KCNQ1: variants seen among roughly 807,000 people sequenced by gnomAD.
The protein encoded by KCNQ1 is potassium voltage-gated channel subfamily Q member 1.
KCNQ1 carries 49 observed loss-of-function variants against 72.4 expected under a neutral mutation model. The observed-to-expected ratio is 0.68, with a 90% CI of 0.54 to 0.86. The LOEUF (loss-of-function observed/expected upper bound fraction) is 0.86. KCNQ1 is among the 40% of genes least tolerant of loss of function. The probability of loss-of-function intolerance (pLI) is 0.00; values close to 1 mark genes in which losing one functional copy is unlikely to be tolerated. For synonymous variants in KCNQ1, 450 were observed against 412.6 expected (o/e 1.09, Z -1.10); for missense variants, 790 against 945.1 (o/e 0.84, Z 2.15).
At chr11:2,459,186 T>C (rs1846238778) in intron 1 of KCNQ1, among the ~76,000 whole-genome samples, 2 of 152,194 alleles carry the variant, frequency 1.3e-5, no homozygotes, top group Non-Finnish European at 2.9e-5. Flanking sequence ...ACGGACTTCC[T>C]TGGGACGCGG....
chr11:2,452,157 C>A (rs1203780592), intron 1 of KCNQ1, among the ~76,000 whole-genome samples: 2 of 152,138 alleles, frequency 1.3e-5, no homozygotes, highest in African/African-American at 4.8e-5. Context: ...AAGGTGCACA[C>A]CTTTCTCTGC....
chr11:2,628,430 GTCT>G, intron 10 of KCNQ1: 1 of 398,384 alleles, frequency 2.5e-6, no homozygotes, highest in East Asian at 3.6e-5. Flanking sequence ...CCATCTGTAT[GTCT>G]TCTTTGAATA....
Position 2,452,030 on chromosome 11 carries a change from C to T in KCNQ1, c.386+6546C>T, listed in dbSNP as rs117058724. 1.1e-3 allele frequency among the ~76,000 whole-genome samples: 168 copies of T among 152,330 alleles called. 3 individuals carry two copies. The East Asian group carries it at 0.03, about 27-fold the overall frequency. ...GAGGACTGTCCCCTTTGAGAGTTGG[C>T]TCTCAAAGCCTTGGTCTGTGCCTGC... On this transcript the variant is annotated intron_variant, in intron 1 of 15. Coordinates refer to ENST00000155840, the MANE Select transcript of KCNQ1 (RefSeq NM_000218.3).
intron 8 of KCNQ1, 29 bp downstream of exon 8, chr11:2,585,336 G>T (rs371140683): frequency 3.8e-6 from 6 of 1,586,042 alleles, no homozygotes; most frequent in Non-Finnish European, 5.2e-6. Context: ...CCTGGTCACT[G>T]TCATTTTGGT....
In KCNQ1 at chr11:2,846,747, G is replaced by A. The variant is rs372628675; in HGVS notation, c.1795-1020G>A. 1.6e-4 allele frequency among the ~76,000 whole-genome samples: 25 copies of A among 152,376 alleles called. No homozygotes were observed. In the East Asian group the frequency reaches 2.1e-3, roughly 13 times the overall value. On this transcript the variant is annotated intron_variant, in intron 15 of 15. Coordinates refer to ENST00000155840, the MANE Select transcript of KCNQ1 (RefSeq NM_000218.3). Reference sequence around the variant, plus strand: ...GCGGGCTCCAGCCTCATTCCCCAGCGGTGCTGTCCTTCCAAGGAGCTCTCA... The same window carrying A: ...GCGGGCTCCAGCCTCATTCCCCAGCAGTGCTGTCCTTCCAAGGAGCTCTCA...
At chr11:2,470,492 C>G (rs531860181) in intron 1 of KCNQ1, among the ~76,000 whole-genome samples, 1 of 152,080 alleles carries the variant, frequency 6.6e-6, no homozygotes, top group African/African-American at 2.4e-5. Flanking sequence ...TATCTCGTCT[C>G]GCCTTTGTTC....
rs964995049 is a variant in KCNQ1, at chr11:2,461,793, G to A, written c.386+16309G>A. 14 of 1,226,720 alleles carry A rather than the reference G, an allele frequency of 1.1e-5. No homozygotes were observed. The African/African-American group carries it at 1.9e-4, about 16-fold the overall frequency. 76.0% of individuals were successfully genotyped at this position (1,226,720 alleles called of 1,614,324 possible). ...GGGGGGCTGAATTGTGGTCAGTTATGGGTGGCGGGTAGATGGGTGGACAGC... is the reference window on the plus strand; with the variant it reads ...GGGGGGCTGAATTGTGGTCAGTTATAGGTGGCGGGTAGATGGGTGGACAGC... On this transcript the variant is annotated intron_variant, in intron 1 of 15. Coordinates refer to ENST00000155840, the MANE Select transcript of KCNQ1 (RefSeq NM_000218.3).
chr11:2,761,758 T>C (rs1186336891), intron 11 of KCNQ1, among the ~76,000 whole-genome samples: 1 of 152,200 alleles, frequency 6.6e-6, no homozygotes, highest in Admixed American at 6.5e-5. Context: ...ACCAGAGCAG[T>C]GGCTGACCCA....
In KCNQ1 at chr11:2,627,658, T is replaced by TTG. The variant is rs765964478; in HGVS notation, c.1394-34293_1394-34292dup. The TTG allele has an allele frequency of 7.5e-6, 3 of 398,370 alleles. No homozygotes were observed. Among genetic ancestry groups the TTG allele is most frequent in the East Asian group, 3.6e-5 (1 of 28,084 alleles). The allele number at this position is 398,370 out of a possible 1,614,324, so 24.7% of individuals were successfully genotyped here. A position where few individuals can be genotyped will look rare whatever the true frequency, so the allele number is the denominator to read the frequency against. ...TGCTTTTTAAAGGATGAATATTTCA[T>TTG]TGTGTGTGTGTATATATGTGTGTGT... On this transcript the variant is annotated intron_variant, in intron 10 of 15. Coordinates refer to ENST00000155840, the MANE Select transcript of KCNQ1 (RefSeq NM_000218.3). The surrounding 1 kb of genome is among the most constrained non-coding windows in gnomAD (Gnocchi z 4.9).
chr11:2,652,560 T>C lies in KCNQ1; in HGVS notation c.1394-9401T>C, dbSNP rs535384234. The C allele has an allele frequency of 2.3e-5, 9 of 398,594 alleles. No individual in the cohort carries two copies. The South Asian group carries it at 6.4e-4, about 28-fold the overall frequency. 24.7% of individuals were successfully genotyped at this position (398,594 alleles called of 1,614,324 possible). On this transcript the variant is annotated intron_variant, in intron 10 of 15. Transcript: ENST00000155840. The surrounding 1 kb of genome is among the most constrained non-coding windows in gnomAD (Gnocchi z 5.9). ...ATAGTGCTTAACCCAGATTCCATTG[T>C]ATATTAAAGTTTCCTAGGGCTGCTC...
intron 15 of KCNQ1, among the ~76,000 whole-genome samples, chr11:2,823,122 C>T (rs1000354591): frequency 6.6e-6 from 1 of 152,022 alleles, no homozygotes; most frequent in Non-Finnish European, 1.5e-5. Context: ...GAACCTCTAG[C>T]AGAAAAGAGC....
Position 2,712,621 on chromosome 11 carries a change from A to G in KCNQ1, c.1514+50540A>G, listed in dbSNP as rs1315990947. On this transcript the variant is annotated intron_variant, in intron 11 of 15. Transcript: ENST00000155840. This position sits in a 1 kb window ranked among gnomAD's most constrained non-coding sequence, Gnocchi z 6.4. ...GGTTTGAGGAGACTTAGGGGCTTCC[A>G]TATTCCCCTTGGAACATGAAGAAGG... Among the ~76,000 whole-genome samples the G allele has an allele frequency of 6.6e-6, 1 of 152,210 alleles. No homozygotes were observed. Among genetic ancestry groups the G allele is most frequent in the African/African-American group, 2.4e-5 (1 of 41,460 alleles).
chr11:2,633,109 TAA>T, intron 10 of KCNQ1: 1 of 398,556 alleles, frequency 2.5e-6, no homozygotes, highest in Non-Finnish European at 4.4e-6. Flanking sequence ...ACAGCCATTC[TAA>T]CTGAGGTGAA....
intron 11 of KCNQ1, chr11:2,692,036 C>A (rs1050685404): frequency 3.8e-5 from 15 of 398,606 alleles, no homozygotes; most frequent in Non-Finnish European, 4.0e-5. Flanking sequence ...GAGGCCCTGA[C>A]CCCCCAAATG....
At position 2,538,592 on chromosome 11, in the gene KCNQ1, G is replaced by A. The variant is rs78084918; in HGVS notation, c.477+10574G>A. Among the ~76,000 whole-genome samples the A allele has an allele frequency of 1.3e-5, 2 of 152,162 alleles. No homozygotes were observed. The highest frequency in any genetic ancestry group is 2.9e-5 in the Non-Finnish European group (2 of 67,998). ...TGCTTGCGGGAGAGTCGTGAAAGTG[G>A]GAATCCTGGGCTGGAACCGGAACGT... On this transcript the variant is annotated intron_variant, in intron 2 of 15. Transcript: ENST00000155840. This position sits in a 1 kb window ranked among gnomAD's most constrained non-coding sequence, Gnocchi z 6.7.
Position 2,654,832 on chromosome 11 carries a change from T to C in KCNQ1, c.1394-7129T>C, listed in dbSNP as rs1160955358. ...AGACTTTCATGATAGGAGAGCTCTA[T>C]GTAGCCTCATGGGCAGCTCCAGGCC... On this transcript the variant is annotated intron_variant, in intron 10 of 15. Transcript: ENST00000155840. This position sits in a 1 kb window ranked among gnomAD's most constrained non-coding sequence, Gnocchi z 6.4. 2 of 398,478 alleles carry C rather than the reference T, an allele frequency of 5.0e-6. No homozygotes were observed. Among genetic ancestry groups the C allele is most frequent in the Admixed American group, 4.4e-5 (1 of 22,708 alleles). 24.7% of individuals were successfully genotyped at this position (398,478 alleles called of 1,614,324 possible). A position where few individuals can be genotyped will look rare whatever the true frequency, so the allele number is the denominator to read the frequency against.
Position 2,445,298 on chromosome 11 carries a change from C to A in KCNQ1, c.200C>A (p.Pro67Gln). The change falls in exon 1 of 16, where the codon CCG becomes CAG. Residue 67 changes from proline (P) to glutamine (Q), a missense_variant. This residue lies in a region of KCNQ1 where 294 missense variants were observed against 323.3 expected (regional missense o/e 0.91). Coordinates refer to ENST00000155840, the MANE Select transcript of KCNQ1 (RefSeq NM_000218.3). ...CCAGGTCCCGCGCCCCCTGCGTCCCCGGCCGCGCCCGCCGCGCCCCCAGTT... is the reference window on the plus strand; with the variant it reads ...CCAGGTCCCGCGCCCCCTGCGTCCCAGGCCGCGCCCGCCGCGCCCCCAGTT... Reference protein sequence around the residue: ...GAPGPAPPASPAAPAAPPVAS... With the variant: ...GAPGPAPPASQAAPAAPPVAS... 7.1e-7 allele frequency: 1 copy of A among 1,410,322 alleles called. No individual in the cohort carries two copies. The highest frequency in any genetic ancestry group is 9.2e-7 in the Non-Finnish European group (1 of 1,085,640). The allele number at this position is 1,410,322 out of a possible 1,614,324, so 87.4% of individuals were successfully genotyped here.
chr11:2,670,869 C>T lies in KCNQ1; in HGVS notation c.1514+8788C>T. The T allele has an allele frequency of 1.5e-5, 6 of 398,622 alleles. No individual in the cohort carries two copies. Among genetic ancestry groups the T allele is most frequent in the Admixed American group, 4.4e-5 (1 of 22,732 alleles). 24.7% of individuals were successfully genotyped at this position (398,622 alleles called of 1,614,324 possible). A position where few individuals can be genotyped will look rare whatever the true frequency, so the allele number is the denominator to read the frequency against. On this transcript the variant is annotated intron_variant, in intron 11 of 15. Coordinates refer to ENST00000155840, the MANE Select transcript of KCNQ1 (RefSeq NM_000218.3). This position sits in a 1 kb window ranked among gnomAD's most constrained non-coding sequence, Gnocchi z 4.9. ...TCAAAGGTCCTCACTGGCCAGTGGG[C>T]CACTGGGAAGCCTCCTGGATTGCCT... is the stretch of plus-strand genomic sequence containing the variant.
chr11:2,697,956 C>T (rs1391175394), intron 11 of KCNQ1: 2 of 398,464 alleles, frequency 5.0e-6, no homozygotes, highest in African/African-American at 4.1e-5. Flanking sequence ...TAAAATACAC[C>T]CATAATCAAG....
Sources: allele counts gnomAD v4.1 joint callset (sites outside exome capture counted in the v4.1 genomes callset), GRCh38; gene constraint gnomAD v4.1.1; regional missense constraint gnomAD v4.1.1; non-coding constraint Gnocchi (gnomAD v3.1); transcripts MANE v1.5; gene names NCBI Gene and HGNC (gene_info 2026-07-23, HGNC 2026-07-21).